Variants in CLDN10 observed in about 807,000 individuals in gnomAD.
CLDN10 encodes claudin-10.
A neutral mutation model predicts 22.9 loss-of-function variants in CLDN10; 15 were observed. The ratio of observed to expected loss-of-function variants is 0.65; its 90% CI spans 0.44 to 1.01. The LOEUF (loss-of-function observed/expected upper bound fraction) is 1.01. Among genes scored for constraint, CLDN10 ranks in the 50% least tolerant of loss-of-function variants. The pLI is 0.00. For missense variants in CLDN10, 247 were observed against 287.8 expected (o/e 0.86, Z 1.03); for synonymous variants, 114 against 111.4 (o/e 1.02, Z -0.15).
chr13:95,520,880 T>C (rs1372874783), intron 1 of CLDN10, among the ~76,000 whole-genome samples: 3 of 151,162 alleles, frequency 2.0e-5, no homozygotes, highest in Admixed American at 6.6e-5. Flanking sequence ...GTTAGGAGGC[T>C]GAGGCAGGAG....
intron 3 of CLDN10, among the ~76,000 whole-genome samples, chr13:95,568,689 C>T (rs1199099307): frequency 1.3e-5 from 2 of 152,154 alleles, no homozygotes; most frequent in Admixed American, 1.3e-4. Flanking sequence ...GAAGTCGAAA[C>T]CATGTGTTAC....
chr13:95,437,328 C>T (rs887915515), intron 1 of CLDN10, among the ~76,000 whole-genome samples: 1 of 152,200 alleles, frequency 6.6e-6, no homozygotes, highest in African/African-American at 2.4e-5. Context: ...AGCCTGAAAG[C>T]TTGATTAAAA....
intron 1 of CLDN10, among the ~76,000 whole-genome samples, chr13:95,480,114 T>G (rs1234167423): frequency 6.6e-6 from 1 of 152,148 alleles, no homozygotes; most frequent in East Asian, 1.9e-4. Context: ...AGAAAACTTG[T>G]GCGGGGGAGC....
chr13:95,524,789 G>C (rs981114461), intron 1 of CLDN10, among the ~76,000 whole-genome samples: 1 of 151,846 alleles, frequency 6.6e-6, no homozygotes, highest in African/African-American at 2.4e-5. Context: ...ATGTATGAGG[G>C]TTCTAATTTC....
intron 1 of CLDN10, among the ~76,000 whole-genome samples, chr13:95,484,198 C>G (rs919453500): frequency 1.3e-5 from 2 of 152,204 alleles, no homozygotes; most frequent in African/African-American, 4.8e-5. Flanking sequence ...CAGCTCTCTG[C>G]AGCTCAGTCA....
chr13:95,562,118 G>T (rs1217763547), intron 3 of CLDN10, among the ~76,000 whole-genome samples: 1 of 149,236 alleles, frequency 6.7e-6, no homozygotes, highest in African/African-American at 2.5e-5. Context: ...TTTTAGTAGG[G>T]ACAGGGCTTC....
At chr13:95,545,546 A>C (rs1054892145) in intron 1 of CLDN10, among the ~76,000 whole-genome samples, 1 of 152,160 alleles carries the variant, frequency 6.6e-6, no homozygotes, top group Non-Finnish European at 1.5e-5. Context: ...TCAAAACATA[A>C]AAGAAAAAAA....
chr13:95,468,063 C>T (rs1306843820), intron 1 of CLDN10, among the ~76,000 whole-genome samples: 1 of 152,150 alleles, frequency 6.6e-6, no homozygotes, highest in Non-Finnish European at 1.5e-5. Context: ...CATCTAAAAA[C>T]GCCCTCACAG....
At chr13:95,447,484 T>C (rs186772709) in intron 1 of CLDN10, among the ~76,000 whole-genome samples, 16 of 152,276 alleles carry the variant, frequency 1.1e-4, no homozygotes, top group African/African-American at 2.9e-4. Flanking sequence ...TGGTTCCAGG[T>C]GGTAGATCTG....
At chr13:95,538,524 T>C (rs977713073) in intron 1 of CLDN10, among the ~76,000 whole-genome samples, 5 of 152,226 alleles carry the variant, frequency 3.3e-5, no homozygotes, top group Non-Finnish European at 5.9e-5. Context: ...ATTCATCATA[T>C]TGATTTCCTC....
intron 1 of CLDN10, among the ~76,000 whole-genome samples, chr13:95,534,268 A>G (rs529631452): frequency 1.3e-5 from 2 of 152,332 alleles, no homozygotes; most frequent in South Asian, 2.1e-4. Flanking sequence ...TTCAAATAGG[A>G]AAGAAAAAGA....
chr13:95,523,142 G>A (rs57719175), intron 1 of CLDN10, among the ~76,000 whole-genome samples: 47,460 of 151,340 alleles, frequency 0.31, 8,777 homozygotes, highest in Admixed American at 0.4. Context: ...CTTTCTTTCC[G>A]TCTTTTGTAT....
chr13:95,473,307 T>C (rs765962209), intron 1 of CLDN10, among the ~76,000 whole-genome samples: 1 of 152,134 alleles, frequency 6.6e-6, no homozygotes, highest in Non-Finnish European at 1.5e-5. Flanking sequence ...GGTTAATAGA[T>C]GCAACAAACC....
At position 95,563,576 on chromosome 13, in the gene CLDN10, G is replaced by T. The variant is rs549406048; in HGVS notation, c.464+3113G>T. On this transcript the variant is annotated intron_variant, in intron 3 of 4. Coordinates refer to ENST00000299339, the MANE Select transcript of CLDN10 (RefSeq NM_006984.5). ...GAATGAGTTGACTTCTTGAGATTAGGACTTTCTCTCCTTCATCTCTGTTTT... is the reference window on the plus strand; with the variant it reads ...GAATGAGTTGACTTCTTGAGATTAGTACTTTCTCTCCTTCATCTCTGTTTT... 1.9e-4 allele frequency among the ~76,000 whole-genome samples: 29 copies of T among 152,234 alleles called. 1 individual carries two copies. In the South Asian group the frequency reaches 6.0e-3, roughly 32 times the overall value.
rs1299924735 is a variant in CLDN10, at chr13:95,541,857, A to G, written c.215-18275A>G. On this transcript the variant is annotated intron_variant, in intron 1 of 4. Transcript: ENST00000376873. Reference sequence around the variant, plus strand: ...TGACCTTATATTTTTCATATGTAAAAATGTATTCTATGTTTGTTACCTCAC... The same window carrying G: ...TGACCTTATATTTTTCATATGTAAAGATGTATTCTATGTTTGTTACCTCAC... Among the ~76,000 whole-genome samples the G allele has an allele frequency of 4.6e-5, 7 of 152,310 alleles. No homozygotes were observed. The East Asian group carries it at 1.4e-3, about 29-fold the overall frequency.
At chr13:95,506,150 GTGTGTGTGTGTGCC>G (rs1244019207) in intron 1 of CLDN10, among the ~76,000 whole-genome samples, 3 of 151,958 alleles carry the variant, frequency 2.0e-5, no homozygotes, top group Non-Finnish European at 4.4e-5. Flanking sequence ...GCTGATGCTA[GTGTGTGTGTGTGCC>G]TGTGTGTGTG....
At chr13:95,460,735 G>T (rs550189285) in intron 1 of CLDN10, among the ~76,000 whole-genome samples, 2 of 152,112 alleles carry the variant, frequency 1.3e-5, no homozygotes, top group Non-Finnish European at 2.9e-5. Flanking sequence ...AACCTCCTGG[G>T]TTCAAGCAAT....
chr13:95,500,881 C>A (rs2042977388), intron 1 of CLDN10, among the ~76,000 whole-genome samples: 1 of 151,976 alleles, frequency 6.6e-6, no homozygotes, highest in South Asian at 2.1e-4. Context: ...AAGGGTGACA[C>A]AATTCTCCTG....
chr13:95,524,484 A>G (rs2043257381), intron 1 of CLDN10, among the ~76,000 whole-genome samples: 1 of 152,176 alleles, frequency 6.6e-6, no homozygotes, highest in Non-Finnish European at 1.5e-5. Context: ...TGTAGCATGT[A>G]ATTTCATTCC....
Sources: allele counts gnomAD v4.1 joint callset (sites outside exome capture counted in the v4.1 genomes callset), GRCh38; gene constraint gnomAD v4.1.1; transcripts MANE v1.5; gene names NCBI Gene and HGNC (gene_info 2026-07-23, HGNC 2026-07-21).